The following RNF41 variants were observed in gnomAD, a reference collection of about 807,000 sequenced individuals.
RNF41 encodes the protein ring finger protein 41, also known as E3 ubiquitin-protein ligase NRDP1.
Under a neutral mutation model 33.0 loss-of-function variants are expected in RNF41, and 4 were observed. That is an observed-to-expected ratio of 0.12 (90% CI 0.06 to 0.28). RNF41 has a LOEUF of 0.28. RNF41 is among the 10% of genes least tolerant of loss of function. The pLI is 1.00. For synonymous variants in RNF41, 164 were observed against 153.2 expected, an observed-to-expected ratio of 1.07 and a Z score of -0.52; for missense variants, 228 against 432.6, an observed-to-expected ratio of 0.53 and a Z score of 4.19.
chr12:56,206,390 G>T lies in RNF41; in HGVS notation c.*57C>A. On this transcript the variant is annotated 3_prime_UTR_variant, in exon 7 of 7. Transcript: ENST00000345093. The surrounding 1 kb of genome is among the most constrained non-coding windows in gnomAD (Gnocchi z 5.7). ...GGTGGGTAGGACTCAGGTCCCAGCT[G>T]CTGGAGTGATGGGATTTTCTGATTT... 1 of 1,434,366 alleles carries T rather than the reference G, an allele frequency of 7.0e-7. No individual in the cohort carries two copies. The highest frequency in any genetic ancestry group is 9.6e-7 in the Non-Finnish European group (1 of 1,038,376). 88.9% of individuals were successfully genotyped at this position (1,434,366 alleles called of 1,614,324 possible).
chr12:56,209,016 C>G (rs927037850), intron 4 of RNF41, among the ~76,000 whole-genome samples: 5 of 151,578 alleles, frequency 3.3e-5, no homozygotes, highest in African/African-American at 1.2e-4. Flanking sequence ...AGGTGCCCAC[C>G]ACCACACCTG....
rs969176935 is a variant in RNF41, at chr12:56,205,038, G to A, written c.*1409C>T. Reference sequence around the variant, plus strand: ...CTGAAGTCCCCAGGGGGGTGTGGGTGAGACACGGCACAGCCTGTACTTAGA... The same window carrying A: ...CTGAAGTCCCCAGGGGGGTGTGGGTAAGACACGGCACAGCCTGTACTTAGA... On this transcript the variant is annotated 3_prime_UTR_variant, in exon 7 of 7. Transcript: ENST00000345093. 1.3e-5 allele frequency: 2 copies of A among 152,278 alleles called. No individual in the cohort carries two copies. Among genetic ancestry groups the A allele is most frequent in the Non-Finnish European group, 2.9e-5 (2 of 68,080 alleles). The allele number at this position is 152,278 out of a possible 1,614,324, so 9.4% of individuals were successfully genotyped here. A position where few individuals can be genotyped will look rare whatever the true frequency, so the allele number is the denominator to read the frequency against.
At chr12:56,210,968 T>C (rs1249466893) in intron 3 of RNF41, among the ~76,000 whole-genome samples, 1 of 152,140 alleles carries the variant, frequency 6.6e-6, no homozygotes. Flanking sequence ...AGGCGGATCA[T>C]GAGGTCAGGA....
intron 1 of RNF41, among the ~76,000 whole-genome samples, chr12:56,218,725 G>A (rs1172876761): frequency 1.4e-5 from 2 of 147,214 alleles, no homozygotes; most frequent in Non-Finnish European, 3.0e-5. Context: ...TTTTTTTTGA[G>A]ACAAAGTGTT....
At position 56,205,523 on chromosome 12, in the gene RNF41, A is replaced by C. The variant is rs1868251719; in HGVS notation, c.*924T>G. On this transcript the variant is annotated 3_prime_UTR_variant, in exon 7 of 7. Coordinates refer to ENST00000345093, the MANE Select transcript of RNF41 (RefSeq NM_005785.4). ...AGGAAGTAAATAAATTAAATTGCCAACAATGTGGCTGAGATAGCCATGATC... is the reference window on the plus strand; with the variant it reads ...AGGAAGTAAATAAATTAAATTGCCACCAATGTGGCTGAGATAGCCATGATC... 1 of 146,506 alleles carries C rather than the reference A, an allele frequency of 6.8e-6. No homozygotes were observed. The highest frequency in any genetic ancestry group is 6.8e-5 in the Admixed American group (1 of 14,744). 9.1% of individuals were successfully genotyped at this position (146,506 alleles called of 1,614,324 possible). A position where few individuals can be genotyped will look rare whatever the true frequency, so the allele number is the denominator to read the frequency against.
At chr12:56,210,080 T>C (rs781700266) in intron 4 of RNF41, 5 of 576,884 alleles carry the variant, frequency 8.7e-6, no homozygotes, top group Non-Finnish European at 1.2e-5. Flanking sequence ...ATTTACTAAA[T>C]TGCTGTGCCC....
At chr12:56,217,866 C>T (rs1028946442) in intron 1 of RNF41, among the ~76,000 whole-genome samples, 15 of 152,304 alleles carry the variant, frequency 9.8e-5, no homozygotes, top group African/African-American at 3.6e-4. Flanking sequence ...ATCACAAAAC[C>T]ATCCCCTCGC....
In RNF41 at chr12:56,205,567, A is replaced by AGG. The variant is rs1491137094; in HGVS notation, c.*879_*880insCC. 4.9e-4 allele frequency: 65 copies of AGG among 132,054 alleles called. 1 individual carries two copies. The highest frequency in any genetic ancestry group is 1.8e-3 in the African/African-American group (59 of 33,540). 8.2% of individuals were successfully genotyped at this position (132,054 alleles called of 1,614,324 possible). A position where few individuals can be genotyped will look rare whatever the true frequency, so the allele number is the denominator to read the frequency against. Reference sequence around the variant, plus strand: ...CATGATCAGGCCATTCTTAAAAAAAAGAGGGGGGGGGGCAGTAGGTGGAGT... The same window carrying AGG: ...CATGATCAGGCCATTCTTAAAAAAAAGGGAGGGGGGGGGGCAGTAGGTGGAGT... On this transcript the variant is annotated 3_prime_UTR_variant, in exon 7 of 7. Coordinates refer to ENST00000345093, the MANE Select transcript of RNF41 (RefSeq NM_005785.4).
At chr12:56,208,634 A>C (rs1868325216) in intron 4 of RNF41, 1 of 163,332 alleles carries the variant, frequency 6.1e-6, no homozygotes, top group South Asian at 1.6e-4. Flanking sequence ...GCATGATCTC[A>C]GCTCAGCGCA....
At chr12:56,219,243 G>A (rs1869150253) in intron 1 of RNF41, among the ~76,000 whole-genome samples, 1 of 150,532 alleles carries the variant, frequency 6.6e-6, no homozygotes, top group Admixed American at 6.6e-5. Flanking sequence ...CCAGGCTGGA[G>A]TGCAGTGATG....
chr12:56,212,205 T>C (rs1041336338), intron 3 of RNF41, among the ~76,000 whole-genome samples: 7 of 152,182 alleles, frequency 4.6e-5, no homozygotes, highest in African/African-American at 1.7e-4. Context: ...ACTGGAAGGA[T>C]ACCAAATAAA....
At chr12:56,209,018 CCA>C (rs1192803746) in intron 4 of RNF41, among the ~76,000 whole-genome samples, 2 of 151,806 alleles carry the variant, frequency 1.3e-5, no homozygotes, top group Non-Finnish European at 2.9e-5. Context: ...GTGCCCACCA[CCA>C]CACCTGGCTA....
chr12:56,213,614 G>A (rs1387058657), intron 3 of RNF41, among the ~76,000 whole-genome samples: 1 of 152,128 alleles, frequency 6.6e-6, no homozygotes, highest in Non-Finnish European at 1.5e-5. Flanking sequence ...TTCAATCACG[G>A]ACAGGAAGAT....
chr12:56,219,009 CTT>C (rs1369281939), intron 1 of RNF41, among the ~76,000 whole-genome samples: 3 of 142,126 alleles, frequency 2.1e-5, no homozygotes, highest in Non-Finnish European at 1.6e-5. Context: ...GCCTATTTTT[CTT>C]TTTTTTTTTG....
At position 56,204,996 on chromosome 12, in the gene RNF41, G is replaced by A. The variant is rs888358507; in HGVS notation, c.*1451C>T. 6.6e-6 allele frequency: 1 copy of A among 152,202 alleles called. No individual in the cohort carries two copies. Among genetic ancestry groups the A allele is most frequent in the Non-Finnish European group, 1.5e-5 (1 of 68,058 alleles). 9.4% of individuals were successfully genotyped at this position (152,202 alleles called of 1,614,324 possible). A position where few individuals can be genotyped will look rare whatever the true frequency, so the allele number is the denominator to read the frequency against. ...ACTCTAGGGATCAAGGTATACCCCA[G>A]GTAACCTGAAATGGAACTGAAGTCC... is the stretch of plus-strand genomic sequence containing the variant. On this transcript the variant is annotated 3_prime_UTR_variant, in exon 7 of 7. Coordinates refer to ENST00000345093, the MANE Select transcript of RNF41 (RefSeq NM_005785.4).
Position 56,209,457 on chromosome 12 carries a change from AT to A in RNF41, c.362+839del, listed in dbSNP as rs60545688. The stretch of plus-strand genomic sequence containing the variant: ...AGGCGAGCACCACCACACTTGGCTA[AT>A]TTTTTTTTTTTTTTTTTGAGACGGA... On this transcript the variant is annotated intron_variant, in intron 4 of 6. Coordinates refer to ENST00000345093, the MANE Select transcript of RNF41 (RefSeq NM_005785.4). 3.5e-3 allele frequency among the ~76,000 whole-genome samples: 435 copies of A among 124,660 alleles called. 1 individual carries two copies. Among genetic ancestry groups the A allele is most frequent in the South Asian group, 9.5e-3 (37 of 3,888 alleles). 81.8% of individuals were successfully genotyped at this position (124,660 alleles called of 152,430 possible).
intron 1 of RNF41, among the ~76,000 whole-genome samples, chr12:56,219,757 G>A (rs145034520): frequency 0.045 from 6,856 of 151,128 alleles, 334 homozygotes; most frequent in South Asian, 0.27. Context: ...GCTCACACCC[G>A]TAATCCCAGC....
chr12:56,203,258 A>T lies in RNF41; in HGVS notation c.*3189T>A, dbSNP rs1195456975. On this transcript the variant is annotated 3_prime_UTR_variant, in exon 7 of 7. Transcript: ENST00000345093. ...GAGTGCAGTGGCATGATCTCAGCTC[A>T]CTGCAACCTCCACCTCCCAGGTTCA... 1.3e-5 allele frequency: 2 copies of T among 151,802 alleles called. No homozygotes were observed. Among genetic ancestry groups the T allele is most frequent in the African/African-American group, 4.9e-5 (2 of 41,128 alleles). 9.4% of individuals were successfully genotyped at this position (151,802 alleles called of 1,614,324 possible).
At chr12:56,208,387 G>A in intron 4 of RNF41, 89 bp from the exon 5 acceptor site, 4 of 1,431,470 alleles carry the variant, frequency 2.8e-6, no homozygotes, top group Non-Finnish European at 3.8e-6. Context: ...TAACTGCTAA[G>A]TAGATTTTGT....
Sources: gnomAD v4.1 joint callset for allele counts (sites outside exome capture counted in the v4.1 genomes callset) on GRCh38, gnomAD v4.1.1 for gene constraint, Gnocchi (gnomAD v3.1) non-coding constraint, MANE v1.5 for transcripts, NCBI Gene and HGNC (gene_info 2026-07-23, HGNC 2026-07-21) for gene names.